The following ARMH4 variants were observed in gnomAD, a reference collection of about 807,000 sequenced individuals.
The protein encoded by ARMH4 is armadillo-like helical domain-containing protein 4.
Under a neutral mutation model 61.9 loss-of-function variants are expected in ARMH4, and 49 were observed. The observed-to-expected ratio is 0.79, with a 90% CI of 0.63 to 1.00. The LOEUF (loss-of-function observed/expected upper bound fraction) is 1.00, where lower values mean the gene tolerates loss of function less well. Ranked by LOEUF, ARMH4 falls within the 50% of genes least tolerant of loss-of-function variation. The pLI, the probability that ARMH4 is intolerant of heterozygous loss-of-function variation, is 0.00. For synonymous variants in ARMH4, 368 were observed against 341.5 expected (o/e 1.08, Z -0.85); for missense variants, 934 against 930.0 (o/e 1.00, Z -0.06).
intron 5 of ARMH4, among the ~76,000 whole-genome samples, chr14:58,054,321 G>A (rs373871301): frequency 5.3e-5 from 8 of 152,244 alleles, no homozygotes; most frequent in Admixed American, 6.5e-5. Context: ...GCATTACCAC[G>A]GCCACTTTCC....
At chr14:58,010,244 A>G (rs1882353770) in intron 6 of ARMH4, among the ~76,000 whole-genome samples, 1 of 105,342 alleles carries the variant, frequency 9.5e-6, no homozygotes, top group South Asian at 2.6e-4. Flanking sequence ...AGGAAGATAT[A>G]TGTATATATA....
intron 2 of ARMH4, among the ~76,000 whole-genome samples, chr14:58,134,523 C>T (rs1887238660): frequency 1.3e-5 from 2 of 151,894 alleles, no homozygotes; most frequent in African/African-American, 4.8e-5. Context: ...AGAGCAACTA[C>T]TAAAAACTTA....
At chr14:58,048,252 C>T (rs912633424) in intron 5 of ARMH4, among the ~76,000 whole-genome samples, 2 of 152,228 alleles carry the variant, frequency 1.3e-5, no homozygotes, top group African/African-American at 2.4e-5. Flanking sequence ...CATCTTTTAT[C>T]TTCTCATCTG....
intron 5 of ARMH4, among the ~76,000 whole-genome samples, chr14:58,028,706 A>C (rs1883107499): frequency 6.6e-6 from 1 of 152,170 alleles, no homozygotes; most frequent in Admixed American, 6.6e-5. Flanking sequence ...GCAGGAGGCC[A>C]GTACTCAGGC....
At chr14:58,047,492 G>A (rs1047097806) in intron 5 of ARMH4, among the ~76,000 whole-genome samples, 1 of 152,142 alleles carries the variant, frequency 6.6e-6, no homozygotes, top group Non-Finnish European at 1.5e-5. Flanking sequence ...TTTCAACCCT[G>A]TAAGGTAGGT....
At chr14:58,112,860 T>C (rs150457708) in intron 4 of ARMH4, among the ~76,000 whole-genome samples, 3 of 152,186 alleles carry the variant, frequency 2.0e-5, no homozygotes, top group African/African-American at 7.2e-5. Context: ...TTTTGTTCCT[T>C]TGTAGGTAAT....
At chr14:58,133,836 C>T (rs923372179) in intron 2 of ARMH4, among the ~76,000 whole-genome samples, 11 of 152,112 alleles carry the variant, frequency 7.2e-5, no homozygotes, top group African/African-American at 2.2e-4. Flanking sequence ...AAACACCATG[C>T]GAAGTGCATG....
chr14:58,086,729 A>C (rs548861671), intron 5 of ARMH4, among the ~76,000 whole-genome samples: 103 of 152,264 alleles, frequency 6.8e-4, no homozygotes, highest in African/African-American at 2.3e-3. Context: ...GAGGTTCCCC[A>C]AAAAAATAAG....
At chr14:58,109,892 GGT>G (rs1458311959) in intron 4 of ARMH4, among the ~76,000 whole-genome samples, 1 of 152,172 alleles carries the variant, frequency 6.6e-6, no homozygotes, top group Non-Finnish European at 1.5e-5. Context: ...TTACAGTGGT[GGT>G]GGAAGGGGAA....
In ARMH4 at chr14:58,138,466, A is replaced by C. The variant is rs1358934991; in HGVS notation, c.893T>G (p.Val298Gly). ...AGCTGGAACAGCTGTGCTGACACTC[A>C]CTGTGACTTCTGGGGCTCCCAGCAG... ...DSLLGAPEVT[V>G]SVSTAVPAAS... Residue 298 changes from valine to glycine, a missense_variant, in exon 2 of 8, where the codon GTG becomes GGG. Val to Gly is a moderately radical substitution (Grantham distance 109, BLOSUM62 -3). Coordinates refer to ENST00000267485, the MANE Select transcript of ARMH4 (RefSeq NM_001001872.4). The C allele has an allele frequency of 6.2e-7, 1 of 1,614,230 alleles. No homozygotes were observed. The highest frequency in any genetic ancestry group is 1.1e-5 in the South Asian group (1 of 91,088).
At chr14:58,048,381 G>A (rs1016180432) in intron 5 of ARMH4, among the ~76,000 whole-genome samples, 2 of 152,234 alleles carry the variant, frequency 1.3e-5, no homozygotes, top group Non-Finnish European at 2.9e-5. Flanking sequence ...TTAAATGGTT[G>A]TGCGACTTTA....
intron 5 of ARMH4, among the ~76,000 whole-genome samples, chr14:58,032,288 A>T (rs919528048): frequency 2.6e-5 from 4 of 152,110 alleles, no homozygotes; most frequent in Non-Finnish European, 1.5e-5. Flanking sequence ...ACCATAATAT[A>T]TTCTAATGAG....
At chr14:58,102,055 G>A (rs1157144823) in intron 4 of ARMH4, among the ~76,000 whole-genome samples, 1 of 152,180 alleles carries the variant, frequency 6.6e-6, no homozygotes, top group Non-Finnish European at 1.5e-5. Flanking sequence ...CACATGAGCT[G>A]AAAATCACTG....
chr14:58,052,920 C>G (rs942794211), intron 5 of ARMH4, among the ~76,000 whole-genome samples: 1 of 152,146 alleles, frequency 6.6e-6, no homozygotes, highest in African/African-American at 2.4e-5. Context: ...CTGCCCTGCT[C>G]TCTCTCATCT....
chr14:58,016,479 A>G (rs1594691821), intron 5 of ARMH4, among the ~76,000 whole-genome samples: 1 of 152,314 alleles, frequency 6.6e-6, no homozygotes, highest in East Asian at 1.9e-4. Flanking sequence ...TTAATTGGGT[A>G]GTAGAATTAT....
At chr14:58,107,400 A>T (rs2141281207) in intron 4 of ARMH4, among the ~76,000 whole-genome samples, 1 of 152,270 alleles carries the variant, frequency 6.6e-6, no homozygotes, top group East Asian at 1.9e-4. Context: ...TTTATTCATG[A>T]GTTTTACATG....
chr14:58,040,194 G>C (rs1323779687), intron 5 of ARMH4, among the ~76,000 whole-genome samples: 1 of 151,950 alleles, frequency 6.6e-6, no homozygotes, highest in Non-Finnish European at 1.5e-5. Context: ...GGGTTCAAGG[G>C]TACATGAGCA....
At chr14:58,021,030 A>G (rs932643896) in intron 5 of ARMH4, among the ~76,000 whole-genome samples, 1 of 152,166 alleles carries the variant, frequency 6.6e-6, no homozygotes, top group East Asian at 1.9e-4. Flanking sequence ...GGAAAAAAAC[A>G]ATGTCTCAGT....
chr14:58,147,733 A>G (rs1887781919), intron 1 of ARMH4, among the ~76,000 whole-genome samples: 1 of 152,136 alleles, frequency 6.6e-6, no homozygotes. Flanking sequence ...CCTTACAACA[A>G]CCTAATGAGG....
Sources: gnomAD v4.1 joint callset for allele counts (sites outside exome capture counted in the v4.1 genomes callset) on GRCh38, gnomAD v4.1.1 for gene constraint, MANE v1.5 for transcripts, NCBI Gene and HGNC (gene_info 2026-07-23, HGNC 2026-07-21) for gene names.